Variants in TP73 observed in about 807,000 individuals in gnomAD.
TP73 encodes the protein tumor protein p73.
In TP73, 25 loss-of-function variants were observed where a neutral mutation model predicts 62.5. That is an observed-to-expected ratio of 0.40 (90% CI 0.29 to 0.56). The LOEUF (loss-of-function observed/expected upper bound fraction) is 0.56, where lower values mean the gene tolerates loss of function less well. Ranked by LOEUF, TP73 falls within the 20% of genes least tolerant of loss-of-function variation. The pLI, the probability that TP73 is intolerant of heterozygous loss-of-function variation, is 0.46. For missense variants in TP73, 754 were observed against 913.3 expected (o/e 0.83, Z 2.25); for synonymous variants, 423 against 377.5 (o/e 1.12, Z -1.40).
At chr1:3,732,638 GGGGTGTAGGGGCCA>G in intron 13 of TP73, 95 bp from the exon 14 acceptor site, 1 of 980,926 alleles carries the variant, frequency 1.0e-6, no homozygotes, top group South Asian at 1.7e-5. Context: ...ACTCTGGTTG[GGGGTGTAGGGGCCA>G]GGGTGTGGTG....
intron 2 of TP73, 108 bp from the exon 3 acceptor site, chr1:3,682,952 T>G: frequency 1.4e-6 from 2 of 1,436,684 alleles, no homozygotes; most frequent in Non-Finnish European, 1.9e-6. Context: ...GCAGGAGACG[T>G]AGGCCTCACC....
At position 3,696,035 on chromosome 1, in the gene TP73, C is replaced by G. The variant is rs752812416; in HGVS notation, c.187-11514C>G. On this transcript the variant is annotated intron_variant, in intron 3 of 13. Coordinates refer to ENST00000378295, the MANE Select transcript of TP73 (RefSeq NM_005427.4). This position sits in a 1 kb window ranked among gnomAD's most constrained non-coding sequence, Gnocchi z 4.1. The stretch of plus-strand genomic sequence containing the variant: ...CCGTGGCTGTGTTGGAGATGCCCGG[C>G]AGCCATTGCATAGCTGAGAAGGAGC... Among the ~76,000 whole-genome samples, 2 of 152,202 alleles carry G rather than the reference C, an allele frequency of 1.3e-5. No homozygotes were observed. The highest frequency in any genetic ancestry group is 2.4e-5 in the African/African-American group (1 of 41,452).
chr1:3,703,928 G>A (rs559469981), intron 3 of TP73, among the ~76,000 whole-genome samples: 1 of 152,344 alleles, frequency 6.6e-6, no homozygotes, highest in African/African-American at 2.4e-5. Flanking sequence ...TTTCCAGGAA[G>A]GCCACCGCTG....
chr1:3,673,293 G>GC (rs1404785675), intron 1 of TP73, among the ~76,000 whole-genome samples: 1 of 152,098 alleles, frequency 6.6e-6, no homozygotes, highest in Non-Finnish European at 1.5e-5. Flanking sequence ...CCACCTTTCC[G>GC]CCCCCGTGTG....
At chr1:3,723,259 C>A in intron 5 of TP73, 95 bp from the exon 6 acceptor site, 1 of 1,022,360 alleles carries the variant, frequency 9.8e-7, no homozygotes, top group South Asian at 1.4e-5. Flanking sequence ...GCTGGGCACC[C>A]TTTGAACCCG....
chr1:3,674,227 T>A (rs1645309509), intron 1 of TP73, among the ~76,000 whole-genome samples: 1 of 152,098 alleles, frequency 6.6e-6, no homozygotes, highest in Non-Finnish European at 1.5e-5. Context: ...GCTTCTGGGG[T>A]GAGGCTCAGG....
In TP73 at chr1:3,654,706, G is replaced by A. The variant is rs192016375; in HGVS notation, c.-34+2065G>A. Among the ~76,000 whole-genome samples the A allele has an allele frequency of 1.6e-4, 24 of 152,338 alleles. No individual in the cohort carries two copies. The East Asian group carries it at 3.3e-3, about 21-fold the overall frequency. On this transcript the variant is annotated intron_variant, in intron 1 of 13. Coordinates refer to ENST00000378295, the MANE Select transcript of TP73 (RefSeq NM_005427.4). ...AGCCAGGAGCCCTGGGGAGAGACCC[G>A]GCTCCTTAGTATCTGGTAGGTATCT... is the stretch of plus-strand genomic sequence containing the variant.
intron 12 of TP73, 147 bp downstream of exon 12, chr1:3,731,212 A>G: frequency 8.2e-7 from 1 of 1,222,718 alleles, no homozygotes; most frequent in African/African-American, 1.5e-5. Flanking sequence ...CAGTCAGGCC[A>G]GGAGCATCTG....
intron 5 of TP73, 150 bp downstream of exon 5, chr1:3,722,357 C>A: frequency 1.0e-6 from 1 of 997,908 alleles, no homozygotes; most frequent in Non-Finnish European, 1.4e-6. Context: ...TCCACCAGCC[C>A]CCATTTTCCC....
At chr1:3,721,513 G>A (rs1342214907) in intron 4 of TP73, among the ~76,000 whole-genome samples, 5 of 152,264 alleles carry the variant, frequency 3.3e-5, no homozygotes, top group Non-Finnish European at 1.5e-5. Flanking sequence ...TGAATGCATA[G>A]TGGGCAACCA....
intron 13 of TP73, among the ~76,000 whole-genome samples, 182 bp from the exon 14 acceptor site, chr1:3,732,565 C>A (rs1008179710): frequency 2.0e-5 from 3 of 150,470 alleles, no homozygotes; most frequent in Middle Eastern, 3.4e-3. Context: ...CAGGTCAGGG[C>A]CCAGGCCCCG....
At chr1:3,732,624 G>A (rs1642219221) in intron 13 of TP73, 123 bp from the exon 14 acceptor site, 4 of 848,932 alleles carry the variant, frequency 4.7e-6, no homozygotes, top group East Asian at 5.3e-5. Context: ...CCCGTCTCCT[G>A]CCTACTCTGG....
At position 3,701,871 on chromosome 1, in the gene TP73, G is replaced by A. The variant is rs540682551; in HGVS notation, c.187-5678G>A. ...AAACGAAGACCTAGGGAGGTGGAGC[G>A]ATGGGCCAGGTTACACAGGTGGAGC... On this transcript the variant is annotated intron_variant, in intron 3 of 13. Transcript: ENST00000378295. This position sits in a 1 kb window ranked among gnomAD's most constrained non-coding sequence, Gnocchi z 4.7. Among the ~76,000 whole-genome samples the A allele has an allele frequency of 2.2e-4, 33 of 152,294 alleles. No individual in the cohort carries two copies. Among genetic ancestry groups the A allele is most frequent in the African/African-American group, 7.2e-4 (30 of 41,566 alleles).
At position 3,706,126 on chromosome 1, in the gene TP73, C is replaced by T. The variant is rs191001630; in HGVS notation, c.187-1423C>T. Among the ~76,000 whole-genome samples, 499 of 152,284 alleles carry T rather than the reference C, an allele frequency of 3.3e-3. 1 individual carries two copies. The highest frequency in any genetic ancestry group is 5.5e-3 in the African/African-American group (227 of 41,554). On this transcript the variant is annotated intron_variant, in intron 3 of 13. Transcript: ENST00000378295. ...GAATGACCGCCCCCCGCCCCCGGCC[C>T]GCCTCCGCCTGGCTCTGCCCCTTCC...
At chr1:3,707,834 G>C in intron 4 of TP73, 43 bp downstream of exon 4, 1 of 1,587,044 alleles carries the variant, frequency 6.3e-7, no homozygotes, top group Non-Finnish European at 8.6e-7. Context: ...TGCGGGCTGC[G>C]GGCTGGAGAG....
rs1420137208 is a variant in TP73, at chr1:3,666,151, AGAG to A, written c.-34+13511_-34+13513del. On this transcript the variant is annotated intron_variant, in intron 1 of 13. Coordinates refer to ENST00000378295, the MANE Select transcript of TP73 (RefSeq NM_005427.4). This position sits in a 1 kb window ranked among gnomAD's most constrained non-coding sequence, Gnocchi z 6.4. Reference sequence around the variant, plus strand: ...AAAAAAAAAAAAAAAAAAAAAAAAAAGAGAGAGAGAGAGAGAGAATCTCACTCT... The same window carrying A: ...AAAAAAAAAAAAAAAAAAAAAAAAAAAGAGAGAGAGAGAGAATCTCACTCT... Among the ~76,000 whole-genome samples, 25 of 132,556 alleles carry A rather than the reference AGAG, an allele frequency of 1.9e-4. No individual in the cohort carries two copies. The highest frequency in any genetic ancestry group is 3.1e-4 in the Non-Finnish European group (19 of 62,178). 87.0% of individuals were successfully genotyped at this position (132,556 alleles called of 152,430 possible).
In TP73 at chr1:3,722,325, C is replaced by T. The variant is rs576002876; in HGVS notation, c.616+118C>T. ...CTGACAGCATGGGCTTAGCCATTCC[C>T]CTGCGGAGGGCTTTCAGTGCCTCCA... On this transcript the variant is annotated intron_variant, in intron 5 of 13. Coordinates refer to ENST00000378295, the MANE Select transcript of TP73 (RefSeq NM_005427.4). 239 of 1,274,858 alleles carry T rather than the reference C, an allele frequency of 1.9e-4. 1 individual carries two copies. Among genetic ancestry groups the T allele is most frequent in the Non-Finnish European group, 2.3e-4 (214 of 925,810 alleles). The allele number at this position is 1,274,858 out of a possible 1,614,324, so 79.0% of individuals were successfully genotyped here. A position where few individuals can be genotyped will look rare whatever the true frequency, so the allele number is the denominator to read the frequency against.
chr1:3,729,836 G>T, intron 10 of TP73, 164 bp from the exon 11 acceptor site: 7 of 1,070,128 alleles, frequency 6.5e-6, no homozygotes, highest in Non-Finnish European at 9.3e-6. Context: ...CCCAGTGGCC[G>T]TGCATGGCCA....
At chr1:3,727,282 G>T in intron 7 of TP73, 58 bp downstream of exon 7, 3 of 1,501,494 alleles carry the variant, frequency 2.0e-6, no homozygotes, top group South Asian at 2.4e-5. Context: ...ACGGCCGGGG[G>T]AGAAGGGGAG....
Sources: gnomAD v4.1 joint callset for allele counts (sites outside exome capture counted in the v4.1 genomes callset) on GRCh38, gnomAD v4.1.1 for gene constraint, Gnocchi (gnomAD v3.1) non-coding constraint, MANE v1.5 for transcripts, NCBI Gene and HGNC (gene_info 2026-07-23, HGNC 2026-07-21) for gene names.